Variants in MORC3 observed in about 807,000 individuals in gnomAD.
MORC3 encodes MORC family CW-type zinc finger 3, also known as MORC family CW-type zinc finger protein 3.
MORC3 carries 31 observed loss-of-function variants against 109.1 expected under a neutral mutation model. The ratio of observed to expected loss-of-function variants is 0.28; its 90% CI spans 0.21 to 0.38. MORC3 has a LOEUF of 0.38. Ranked by LOEUF, MORC3 falls within the 10% of genes least tolerant of loss-of-function variation. MORC3 has a pLI of 1.00. For synonymous variants in MORC3, 395 were observed against 380.7 expected (o/e 1.04, Z -0.44); for missense variants, 867 against 1,135.8 (o/e 0.76, Z 3.40).
At chr21:36,337,248 A>G (rs568576032) in intron 3 of MORC3, among the ~76,000 whole-genome samples, 4 of 152,300 alleles carry the variant, frequency 2.6e-5, no homozygotes, top group African/African-American at 7.2e-5. Context: ...GAGTTGTAGT[A>G]TATTTATATC....
At chr21:36,326,990 A>G (rs1039900832) in intron 1 of MORC3, among the ~76,000 whole-genome samples, 1 of 150,256 alleles carries the variant, frequency 6.7e-6, no homozygotes, top group African/African-American at 2.5e-5. Flanking sequence ...TAATTTTCGT[A>G]TTTTTAGTAG....
At chr21:36,337,072 C>G in intron 3 of MORC3, 66 bp downstream of exon 3, 1 of 1,543,500 alleles carries the variant, frequency 6.5e-7, no homozygotes, top group Non-Finnish European at 8.8e-7. Flanking sequence ...CCATGCCATA[C>G]TTACTATTCT....
intron 14 of MORC3, among the ~76,000 whole-genome samples, chr21:36,366,930 G>A: frequency 6.6e-6 from 1 of 152,174 alleles, no homozygotes; most frequent in Non-Finnish European, 1.5e-5. Flanking sequence ...CAAACCAAGG[G>A]AAGCTGAAAC....
At chr21:36,346,179 C>T (rs145821200) in intron 8 of MORC3, among the ~76,000 whole-genome samples, 1 of 152,118 alleles carries the variant, frequency 6.6e-6, no homozygotes, top group Admixed American at 6.6e-5. Flanking sequence ...TGCCGCTATG[C>T]CAGGCCAAAT....
intron 9 of MORC3, among the ~76,000 whole-genome samples, chr21:36,355,811 C>T (rs2085638642): frequency 6.6e-6 from 1 of 151,680 alleles, no homozygotes; most frequent in Admixed American, 6.6e-5. Context: ...AAAAAATTAG[C>T]CAGGTGTGGT....
intron 1 of MORC3, among the ~76,000 whole-genome samples, chr21:36,331,825 T>G (rs2085318530): frequency 6.6e-6 from 1 of 152,030 alleles, no homozygotes; most frequent in African/African-American, 2.4e-5. Context: ...AGTTAAAGTT[T>G]TATTGAGCAA....
intron 1 of MORC3, among the ~76,000 whole-genome samples, chr21:36,325,811 T>A (rs1156642990): frequency 6.6e-6 from 1 of 152,236 alleles, no homozygotes; most frequent in Non-Finnish European, 1.5e-5. Flanking sequence ...ATGTGAATCA[T>A]CCCTTTGTCC....
intron 1 of MORC3, among the ~76,000 whole-genome samples, chr21:36,329,147 T>C (rs188658403): frequency 1.3e-5 from 2 of 152,014 alleles, no homozygotes; most frequent in Admixed American, 1.3e-4. Context: ...ACAAAAAAAT[T>C]AGCTGGGCGT....
intron 1 of MORC3, chr21:36,320,639 C>T (rs1200252478): frequency 7.6e-6 from 2 of 264,622 alleles, no homozygotes; most frequent in African/African-American, 4.5e-5. Flanking sequence ...GGCCGCGGGG[C>T]CCCTGACCCT....
chr21:36,334,139 C>T (rs992617137), intron 2 of MORC3, among the ~76,000 whole-genome samples: 5 of 151,766 alleles, frequency 3.3e-5, no homozygotes, highest in African/African-American at 1.2e-4. Context: ...CCTGTGGTCC[C>T]GGCTACTCAG....
chr21:36,364,049 A>G (rs759711402), intron 13 of MORC3, 44 bp from the exon 14 acceptor site: 1 of 1,583,470 alleles, frequency 6.3e-7, no homozygotes, highest in South Asian at 1.1e-5. Flanking sequence ...GGCATGTCAC[A>G]CTAGAAATAG....
At chr21:36,324,000 C>T (rs1373815912) in intron 1 of MORC3, among the ~76,000 whole-genome samples, 2 of 151,930 alleles carry the variant, frequency 1.3e-5, no homozygotes, top group Non-Finnish European at 2.9e-5. Flanking sequence ...CTCAGCCTCC[C>T]GAGTAGCTGG....
chr21:36,344,206 C>T (rs117383832), intron 6 of MORC3, among the ~76,000 whole-genome samples: 3,448 of 152,024 alleles, frequency 0.023, 60 homozygotes, highest in Admixed American at 0.045. Flanking sequence ...CGGCTCACTG[C>T]AGCCTCCGCC....
chr21:36,336,013 C>G (rs2085371856), intron 2 of MORC3, among the ~76,000 whole-genome samples: 1 of 152,036 alleles, frequency 6.6e-6, no homozygotes, highest in Admixed American at 6.6e-5. Context: ...GCAACCTCCG[C>G]CTCCTGGGTT....
rs2085826004 is a variant in MORC3 at position 36,369,457 on chromosome 21, C to G, written c.2089C>G (p.Gln697Glu). ...KSADDAGCQL[Q>E]ELRNQLLLVT... ...TGCAGATGATGCAGGCTGCCAATTACAAGAACTGAGAAACCAGCTACTCCT... is the reference window on the plus strand; with the variant it reads ...TGCAGATGATGCAGGCTGCCAATTAGAAGAACTGAGAAACCAGCTACTCCT... The change falls in exon 15 of 17, where the codon CAA becomes GAA. Residue 697 changes from glutamine (Q) to glutamate (E), a missense_variant. Gln to Glu is a conservative substitution (Grantham distance 29). Coordinates refer to ENST00000400485, the MANE Select transcript of MORC3 (RefSeq NM_015358.3). 6.2e-7 allele frequency: 1 copy of G among 1,614,104 alleles called. No individual in the cohort carries two copies. Among genetic ancestry groups the G allele is most frequent in the East Asian group, 2.2e-5 (1 of 44,878 alleles).
chr21:36,332,022 T>C (rs771129722), intron 1 of MORC3, among the ~76,000 whole-genome samples: 4 of 151,906 alleles, frequency 2.6e-5, no homozygotes, highest in Non-Finnish European at 4.4e-5. Flanking sequence ...ATGCCTGTGG[T>C]CCCAGCTACT....
chr21:36,357,070 A>C (rs2085653317), intron 10 of MORC3, among the ~76,000 whole-genome samples: 1 of 152,250 alleles, frequency 6.6e-6, no homozygotes, highest in Non-Finnish European at 1.5e-5. Context: ...ATTCTGCTTA[A>C]GTAGCCATGT....
At chr21:36,349,725 T>G (rs1013880262) in intron 9 of MORC3, among the ~76,000 whole-genome samples, 2 of 151,980 alleles carry the variant, frequency 1.3e-5, no homozygotes, top group Admixed American at 1.3e-4. Flanking sequence ...AAATAAACTT[T>G]AAAAAGAAGT....
chr21:36,349,237 A>G (rs1413825810), intron 8 of MORC3, 74 bp from the exon 9 acceptor site: 3 of 898,224 alleles, frequency 3.3e-6, no homozygotes, highest in Non-Finnish European at 5.2e-6. Flanking sequence ...TATACAAACT[A>G]TAATTCTTTA....
Sources: allele counts gnomAD v4.1 joint callset (sites outside exome capture counted in the v4.1 genomes callset), GRCh38; gene constraint gnomAD v4.1.1; transcripts MANE v1.5; gene names NCBI Gene and HGNC (gene_info 2026-07-23, HGNC 2026-07-21).